The following COL27A1 variants were observed in gnomAD, a reference collection of about 807,000 sequenced individuals.
The protein encoded by COL27A1 is collagen alpha-1(XXVII) chain.
A neutral mutation model predicts 251.3 loss-of-function variants in COL27A1; 106 were observed. That is an observed-to-expected ratio of 0.42 (90% CI 0.36 to 0.50). COL27A1 has a LOEUF of 0.50. Among genes scored for constraint, COL27A1 ranks in the 20% least tolerant of loss-of-function variants. COL27A1 has a pLI of 0.00. For synonymous variants in COL27A1, 1,000 were observed against 986.3 expected (o/e 1.01, Z -0.26); for missense variants, 2,325 against 2,522.8 (o/e 0.92, Z 1.68).
At position 114,290,198 on chromosome 9, in the gene COL27A1, T is replaced by C; in HGVS notation, c.4261-26T>C. 7.8e-7 allele frequency: 1 copy of C among 1,288,602 alleles called. No homozygotes were observed. Among genetic ancestry groups the C allele is most frequent in the Non-Finnish European group, 1.0e-6 (1 of 959,914 alleles). The allele number at this position is 1,288,602 out of a possible 1,614,324, so 79.8% of individuals were successfully genotyped here. A position where few individuals can be genotyped will look rare whatever the true frequency, so the allele number is the denominator to read the frequency against. ...CTCCCACTCCCTGCACCAAATGCCC[T>C]CACCAGCTTTTTATGTACCCCCCAG... is the stretch of plus-strand genomic sequence containing the variant. On this transcript the variant is annotated intron_variant, in intron 46 of 60. Coordinates refer to ENST00000356083, the MANE Select transcript of COL27A1 (RefSeq NM_032888.4). The surrounding 1 kb of genome is among the most constrained non-coding windows in gnomAD (Gnocchi z 4.6).
chr9:114,232,848 G>A (rs1564500719), intron 16 of COL27A1, among the ~76,000 whole-genome samples: 1 of 152,208 alleles, frequency 6.6e-6, no homozygotes, highest in South Asian at 2.1e-4. Flanking sequence ...CAAGGCGGGC[G>A]GATCATAAGG....
At chr9:114,163,831 CCAGAGTCCTGAGTCAGT>C (rs1194083849) in intron 2 of COL27A1, among the ~76,000 whole-genome samples, 4 of 150,900 alleles carry the variant, frequency 2.7e-5, no homozygotes, top group Middle Eastern at 3.4e-3. Context: ...GAACAGCTGT[CCAGAGTCCTGAGTCAGT>C]CACTGGGGCG....
chr9:114,213,317 C>T (rs751451033), intron 12 of COL27A1, among the ~76,000 whole-genome samples: 1 of 152,150 alleles, frequency 6.6e-6, no homozygotes, highest in Non-Finnish European at 1.5e-5. Context: ...CCTCATCTCC[C>T]CTCCTGGCGG....
At chr9:114,275,838 G>A (rs1478062523) in intron 37 of COL27A1, 70 bp downstream of exon 37, 5 of 1,050,544 alleles carry the variant, frequency 4.8e-6, no homozygotes, top group South Asian at 1.6e-5. Context: ...TGTGCAGGCG[G>A]CTGGGCGGGA....
At chr9:114,269,525 G>A (rs1440118478) in intron 35 of COL27A1, among the ~76,000 whole-genome samples, 2 of 143,854 alleles carry the variant, frequency 1.4e-5, no homozygotes, top group Admixed American at 1.5e-4. Flanking sequence ...TGAGGCAGGA[G>A]AATCGCTTGG....
At chr9:114,230,282 C>T (rs968467324) in intron 14 of COL27A1, among the ~76,000 whole-genome samples, 2 of 152,090 alleles carry the variant, frequency 1.3e-5, no homozygotes, top group Non-Finnish European at 1.5e-5. Context: ...GACAGAGGGA[C>T]GGTGTGGAGT....
chr9:114,176,575 G>A (rs1249596974), intron 3 of COL27A1, among the ~76,000 whole-genome samples: 1 of 152,098 alleles, frequency 6.6e-6, no homozygotes, highest in African/African-American at 2.4e-5. Flanking sequence ...CAGGCCCGTG[G>A]TGTTACACCA....
chr9:114,235,492 T>A, intron 16 of COL27A1, 107 bp from the exon 17 acceptor site: 1 of 874,988 alleles, frequency 1.1e-6, no homozygotes, highest in Non-Finnish European at 2.0e-6. Context: ...CGGATCCGAC[T>A]TGGGAAACAG....
chr9:114,228,029 AG>A (rs758015587), intron 14 of COL27A1, among the ~76,000 whole-genome samples: 1 of 152,114 alleles, frequency 6.6e-6, no homozygotes, highest in Non-Finnish European at 1.5e-5. Flanking sequence ...GCCTGCAGGC[AG>A]GGGTCTCTCT....
At chr9:114,287,216 C>A (rs1004925685) in intron 41 of COL27A1, among the ~76,000 whole-genome samples, 1 of 152,156 alleles carries the variant, frequency 6.6e-6, no homozygotes, top group Admixed American at 6.5e-5. Context: ...TGCCTCCCAC[C>A]AGGGATGTGT....
At chr9:114,302,357 G>C (rs1018175860) in intron 56 of COL27A1, among the ~76,000 whole-genome samples, 1 of 152,202 alleles carries the variant, frequency 6.6e-6, no homozygotes, top group Non-Finnish European at 1.5e-5. Flanking sequence ...TCCAGCCACC[G>C]GGTTCATGGC....
intron 34 of COL27A1, 109 bp from the exon 35 acceptor site, chr9:114,269,132 A>G (rs763687488): frequency 9.1e-5 from 56 of 614,106 alleles, no homozygotes; most frequent in Non-Finnish European, 1.5e-4. Flanking sequence ...GACCTTCCCC[A>G]GCTCCTCCTC....
chr9:114,271,977 T>C (rs62555430), intron 36 of COL27A1: 24,108 of 151,618 alleles, frequency 0.16, 2,084 homozygotes, highest in African/African-American at 0.18. Flanking sequence ...CTGACTCCTC[T>C]CCCCCAACCC....
intron 28 of COL27A1, among the ~76,000 whole-genome samples, chr9:114,263,395 G>C (rs561053247): frequency 6.6e-6 from 1 of 152,144 alleles, no homozygotes; most frequent in African/African-American, 2.4e-5. Context: ...GCCAGGATGG[G>C]CTGGCCTCCT....
intron 7 of COL27A1, among the ~76,000 whole-genome samples, chr9:114,197,136 G>A (rs1468266735): frequency 1.3e-5 from 2 of 152,198 alleles, no homozygotes; most frequent in Non-Finnish European, 2.9e-5. Flanking sequence ...AACCGCTGAT[G>A]GATTGTCTGG....
At chr9:114,247,884 A>G (rs1177462652) in intron 24 of COL27A1, among the ~76,000 whole-genome samples, 1 of 152,230 alleles carries the variant, frequency 6.6e-6, no homozygotes, top group Non-Finnish European at 1.5e-5. Context: ...AAAAGTAATC[A>G]CAGTTTTTAG....
chr9:114,266,745 G>A (rs187175988), intron 33 of COL27A1, 127 bp downstream of exon 33: 18 of 818,866 alleles, frequency 2.2e-5, no homozygotes, highest in Middle Eastern at 2.3e-4. Context: ...GTCATGTACC[G>A]TGTAGTTCAG....
At position 114,169,132 on chromosome 9, in the gene COL27A1, C is replaced by T. The variant is rs182971399; in HGVS notation, c.1577C>T (p.Pro526Leu). Residue 526 changes from proline to leucine, a missense_variant, in exon 3 of 61, where the codon CCT (proline) becomes CTT (leucine). Pro to Leu is a moderately conservative substitution (Grantham distance 98, BLOSUM62 -3). Around this residue, in one of 4 missense-constraint regions of COL27A1, gnomAD observed 1,183 missense variants for 1,144.1 expected, o/e 1.03. Transcript: ENST00000356083. Reference protein sequence around the residue: ...TPRTAPAVPTPGSAPTGSKKP... With the variant: ...TPRTAPAVPTLGSAPTGSKKP... The stretch of plus-strand genomic sequence containing the variant: ...AGAACAGCACCTGCCGTCCCCACTC[C>T]TGGCTCAGCTCCCACTGGAAGCAAG... 11 of 1,614,182 alleles carry T rather than the reference C, an allele frequency of 6.8e-6. No homozygotes were observed. In the Admixed American group the frequency reaches 1.7e-4, roughly 24 times the overall value.
At chr9:114,208,774 A>AT (rs1830149415) in intron 10 of COL27A1, among the ~76,000 whole-genome samples, 1 of 152,002 alleles carries the variant, frequency 6.6e-6, no homozygotes, top group Non-Finnish European at 1.5e-5. Context: ...GGCACTGGGG[A>AT]TGGGGGGGAG....
Sources: gnomAD v4.1 joint callset for allele counts (sites outside exome capture counted in the v4.1 genomes callset) on GRCh38, gnomAD v4.1.1 for gene constraint, gnomAD v4.1.1 regional missense constraint, Gnocchi (gnomAD v3.1) non-coding constraint, MANE v1.5 for transcripts, NCBI Gene and HGNC (gene_info 2026-07-23, HGNC 2026-07-21) for gene names.